The following RAB11FIP4 variants were observed in gnomAD, a reference collection of about 807,000 sequenced individuals.
RAB11FIP4 encodes rab11 family-interacting protein 4.
In RAB11FIP4, 23 loss-of-function variants were observed where a neutral mutation model predicts 74.3. That is an observed-to-expected ratio of 0.31 (90% CI 0.22 to 0.44). RAB11FIP4 has a LOEUF of 0.44. Among genes scored for constraint, RAB11FIP4 ranks in the 20% least tolerant of loss-of-function variants. The pLI, the probability that RAB11FIP4 is intolerant of heterozygous loss-of-function variation, is 1.00. For synonymous variants in RAB11FIP4, 360 were observed against 359.9 expected (o/e 1.00, Z 0.00); for missense variants, 630 against 863.9 (o/e 0.73, Z 3.39).
intron 3 of RAB11FIP4, among the ~76,000 whole-genome samples, chr17:31,457,842 T>C (rs2071593691): frequency 6.6e-6 from 1 of 152,228 alleles, no homozygotes; most frequent in Non-Finnish European, 1.5e-5. Context: ...CTATCCTCCC[T>C]TCCTCTCTCT....
At chr17:31,499,324 A>T (rs1454562145) in intron 3 of RAB11FIP4, among the ~76,000 whole-genome samples, 1 of 152,086 alleles carries the variant, frequency 6.6e-6, no homozygotes, top group Admixed American at 6.5e-5. Context: ...CTCTCTGGAC[A>T]CCATTCCCCC....
chr17:31,530,289 C>G (rs1361145836), intron 13 of RAB11FIP4, 37 bp from the exon 14 acceptor site: 1 of 1,610,234 alleles, frequency 6.2e-7, no homozygotes, highest in East Asian at 2.2e-5. Context: ...GTGGATGCCT[C>G]TTGGGGTTGA....
intron 8 of RAB11FIP4, 26 bp from the exon 9 acceptor site, chr17:31,523,867 C>T (rs376564088): frequency 2.0e-5 from 31 of 1,562,206 alleles, no homozygotes; most frequent in Non-Finnish European, 2.7e-5. Flanking sequence ...AGGTCTTCTC[C>T]ACCCCACCCC....
intron 3 of RAB11FIP4, among the ~76,000 whole-genome samples, chr17:31,436,178 A>G (rs1202661489): frequency 6.6e-6 from 1 of 152,152 alleles, no homozygotes; most frequent in Non-Finnish European, 1.5e-5. Flanking sequence ...CGTTCTTCTC[A>G]ACCCCGCTGA....
rs762215421 is a variant in RAB11FIP4 at position 31,532,368 on chromosome 17, A to G, written c.*636A>G. 2 of 152,992 alleles carry G rather than the reference A, an allele frequency of 1.3e-5. No individual in the cohort carries two copies. Among genetic ancestry groups the G allele is most frequent in the Admixed American group, 6.5e-5 (1 of 15,332 alleles). The allele number at this position is 152,992 out of a possible 1,614,324, so 9.5% of individuals were successfully genotyped here. On this transcript the variant is annotated 3_prime_UTR_variant, in exon 15 of 15. Transcript: ENST00000621161. ...AGAGTGAACAGAGGACTCAGGTTTCATAGCAGCTAGTGCGGGGCATCCTCA... is the reference window on the plus strand; with the variant it reads ...AGAGTGAACAGAGGACTCAGGTTTCGTAGCAGCTAGTGCGGGGCATCCTCA...
At chr17:31,522,622 T>G in intron 7 of RAB11FIP4, 1 of 534,662 alleles carries the variant, frequency 1.9e-6, no homozygotes, top group Non-Finnish European at 3.3e-6. Context: ...CTTCAAATCC[T>G]AGGTCACCTT....
rs191557779 is a variant in RAB11FIP4, at chr17:31,515,454, T to C, written c.337-2197T>C. Reference sequence around the variant, plus strand: ...GCACAGGCAGGAACCAGGCTCATGATAATATTGCCATCTATTTTTAGCCCA... The same window carrying C: ...GCACAGGCAGGAACCAGGCTCATGACAATATTGCCATCTATTTTTAGCCCA... On this transcript the variant is annotated intron_variant, in intron 3 of 14. Coordinates refer to ENST00000621161, the MANE Select transcript of RAB11FIP4 (RefSeq NM_032932.6). Among the ~76,000 whole-genome samples, 216 of 108,112 alleles carry C rather than the reference T, an allele frequency of 2.0e-3. 3 individuals carry two copies. Among genetic ancestry groups the C allele is most frequent in the African/African-American group, 5.3e-3 (201 of 38,188 alleles). 70.9% of individuals were successfully genotyped at this position (108,112 alleles called of 152,430 possible). A position where few individuals can be genotyped will look rare whatever the true frequency, so the allele number is the denominator to read the frequency against.
chr17:31,471,610 G>A (rs945845142), intron 3 of RAB11FIP4, among the ~76,000 whole-genome samples: 3 of 152,222 alleles, frequency 2.0e-5, no homozygotes, highest in Non-Finnish European at 2.9e-5. Context: ...GCAAAGTCAG[G>A]GCTGCTGAAG....
At chr17:31,490,422 G>A (rs535181512) in intron 3 of RAB11FIP4, among the ~76,000 whole-genome samples, 1 of 152,204 alleles carries the variant, frequency 6.6e-6, no homozygotes, top group African/African-American at 2.4e-5. Context: ...GGGTAAGGAG[G>A]GGGTGAAGGG....
At chr17:31,408,641 T>C (rs1301555907) in intron 1 of RAB11FIP4, among the ~76,000 whole-genome samples, 3 of 152,246 alleles carry the variant, frequency 2.0e-5, no homozygotes, top group Non-Finnish European at 2.9e-5. Flanking sequence ...TCAAAAGTCA[T>C]TGTTTTGTGT....
chr17:31,528,454 A>T lies in RAB11FIP4; in HGVS notation c.1405A>T (p.Lys469Ter). Residue 469 changes from lysine to a stop codon, truncating the protein, a stop_gained, in exon 12 of 15, where the codon AAA becomes TAA. Transcript: ENST00000621161. LOFTEE classifies it high-confidence loss of function. Reference sequence around the variant, plus strand: ...TCTGGAGGACACCAGCCTGCGGCTCAAAGATGAGATGGACCTGTACAAGCG... The same window carrying T: ...TCTGGAGGACACCAGCCTGCGGCTCTAAGATGAGATGGACCTGTACAAGCG... ...DRLEDTSLRL[K>*]DEMDLYKRMM... 1.2e-6 allele frequency: 2 copies of T among 1,613,500 alleles called. No individual in the cohort carries two copies. Among genetic ancestry groups the T allele is most frequent in the Non-Finnish European group, 1.7e-6 (2 of 1,180,034 alleles).
chr17:31,489,614 A>G (rs1481569962), intron 3 of RAB11FIP4, among the ~76,000 whole-genome samples: 1 of 152,112 alleles, frequency 6.6e-6, no homozygotes, highest in East Asian at 1.9e-4. Flanking sequence ...CCTGCCTTCA[A>G]GGTGTTTGCA....
At chr17:31,500,244 A>G (rs1484223145) in intron 3 of RAB11FIP4, among the ~76,000 whole-genome samples, 3 of 152,140 alleles carry the variant, frequency 2.0e-5, no homozygotes, top group African/African-American at 7.2e-5. Flanking sequence ...CTTGGTTACA[A>G]ACCAGCTCTA....
At chr17:31,442,124 A>G (rs911330615) in intron 3 of RAB11FIP4, among the ~76,000 whole-genome samples, 2 of 151,218 alleles carry the variant, frequency 1.3e-5, no homozygotes, top group Admixed American at 1.3e-4. Context: ...TCAGCCTCCC[A>G]AGTAGCTGGG....
At position 31,523,877 on chromosome 17, in the gene RAB11FIP4, C is replaced by T. The variant is rs199820201; in HGVS notation, c.1030-16C>T. ...CTCAGAGGTCTTCTCCACCCCACCC[C>T]GGCCCCCTGCTGCAGGTAAGCTTCC... On this transcript the variant is annotated splice_polypyrimidine_tract_variant and intron_variant, in intron 8 of 14. Transcript: ENST00000621161. 3.5e-4 allele frequency: 559 copies of T among 1,591,390 alleles called. 3 individuals carry two copies. The East Asian group carries it at 8.9e-3, about 25-fold the overall frequency.
chr17:31,485,522 T>C (rs1392256101), intron 3 of RAB11FIP4, among the ~76,000 whole-genome samples: 1 of 152,168 alleles, frequency 6.6e-6, no homozygotes, highest in South Asian at 2.1e-4. Context: ...GATCCTGTCA[T>C]GTGACCTGCT....
intron 3 of RAB11FIP4, among the ~76,000 whole-genome samples, chr17:31,500,651 G>C (rs1250615037): frequency 6.6e-6 from 1 of 152,192 alleles, no homozygotes; most frequent in Non-Finnish European, 1.5e-5. Context: ...AATTGCCTTT[G>C]CAATTCTAAC....
intron 10 of RAB11FIP4, chr17:31,527,600 A>G: frequency 2.1e-6 from 1 of 473,220 alleles, no homozygotes; most frequent in Non-Finnish European, 3.7e-6. Context: ...TCTCAAAAAA[A>G]AAAGAAAGAA....
At chr17:31,413,443 G>A (rs1329978282) in intron 1 of RAB11FIP4, among the ~76,000 whole-genome samples, 1 of 150,214 alleles carries the variant, frequency 6.7e-6, no homozygotes, top group Non-Finnish European at 1.5e-5. Flanking sequence ...CCCCCGAGAA[G>A]AGAGTGTCTT....
Sources: gnomAD v4.1 joint callset for allele counts (sites outside exome capture counted in the v4.1 genomes callset) on GRCh38, gnomAD v4.1.1 for gene constraint, MANE v1.5 for transcripts, NCBI Gene and HGNC (gene_info 2026-07-23, HGNC 2026-07-21) for gene names.